The following PEX5L variants were observed in gnomAD, a reference collection of about 807,000 sequenced individuals.
PEX5L encodes peroxisomal biogenesis factor 5 like.
Under a neutral mutation model 84.0 loss-of-function variants are expected in PEX5L, and 30 were observed. The ratio of observed to expected loss-of-function variants is 0.36; its 90% CI spans 0.27 to 0.48. The LOEUF is 0.48. PEX5L is among the 20% of genes least tolerant of loss of function. PEX5L has a pLI of 0.99. For missense variants in PEX5L, 533 were observed against 754.6 expected, an observed-to-expected ratio of 0.71 and a Z score of 3.44; for synonymous variants, 270 against 283.1, an observed-to-expected ratio of 0.95 and a Z score of 0.46.
chr3:179,975,103 C>T (rs549243320), intron 1 of PEX5L, among the ~76,000 whole-genome samples: 2 of 152,114 alleles, frequency 1.3e-5, no homozygotes, highest in South Asian at 2.1e-4. Context: ...GTGGGAGGAT[C>T]GCTTGAGTGC....
At chr3:180,033,584 A>C (rs565142787) in intron 1 of PEX5L, among the ~76,000 whole-genome samples, 38 of 152,360 alleles carry the variant, frequency 2.5e-4, no homozygotes, top group African/African-American at 8.4e-4. Flanking sequence ...ATAGGCAAAT[A>C]ATCACCTCAG....
chr3:179,862,110 C>T (rs750146899), intron 7 of PEX5L, among the ~76,000 whole-genome samples: 2 of 152,196 alleles, frequency 1.3e-5, no homozygotes, highest in Non-Finnish European at 2.9e-5. Context: ...CCACGCCTCT[C>T]CTAGTTCCTA....
chr3:179,871,383 G>T (rs78735475), intron 7 of PEX5L, among the ~76,000 whole-genome samples: 2,473 of 152,170 alleles, frequency 0.016, 27 homozygotes, highest in Non-Finnish European at 0.025. Flanking sequence ...GATTACATGC[G>T]TGAGCCACCA....
intron 6 of PEX5L, among the ~76,000 whole-genome samples, chr3:179,874,983 G>A (rs888263276): frequency 1.3e-5 from 2 of 151,426 alleles, no homozygotes; most frequent in African/African-American, 4.8e-5. Flanking sequence ...GATAGTGGAT[G>A]ATGGAGCAAA....
intron 3 of PEX5L, among the ~76,000 whole-genome samples, chr3:179,893,485 G>A (rs1758244357): frequency 6.6e-6 from 1 of 152,116 alleles, no homozygotes; most frequent in African/African-American, 2.4e-5. Flanking sequence ...TTGAATCTTT[G>A]TGTTTGTCTT....
chr3:179,980,317 T>C (rs1579213130), intron 1 of PEX5L, among the ~76,000 whole-genome samples: 1 of 149,656 alleles, frequency 6.7e-6, no homozygotes, highest in East Asian at 2.0e-4. Context: ...GTTATTATTA[T>C]TATTATTTAG....
chr3:179,874,298 T>G, intron 7 of PEX5L, 29 bp downstream of exon 7: 1 of 1,204,460 alleles, frequency 8.3e-7, no homozygotes, highest in Non-Finnish European at 1.2e-6. Flanking sequence ...TAGGGAAAGA[T>G]GTGTTCATTG....
intron 8 of PEX5L, among the ~76,000 whole-genome samples, chr3:179,856,588 C>A (rs1249230360): frequency 3.3e-5 from 5 of 152,116 alleles, no homozygotes; most frequent in African/African-American, 9.7e-5. Flanking sequence ...TTAGATAATA[C>A]CCTGGGTAAG....
At chr3:179,957,858 A>G (rs1419386891) in intron 2 of PEX5L, among the ~76,000 whole-genome samples, 2 of 152,208 alleles carry the variant, frequency 1.3e-5, no homozygotes, top group African/African-American at 4.8e-5. Context: ...CCATCTGGTC[A>G]CCTGGTCCTG....
At chr3:179,986,104 C>T (rs1448518053) in intron 1 of PEX5L, among the ~76,000 whole-genome samples, 1 of 151,194 alleles carries the variant, frequency 6.6e-6, no homozygotes, top group African/African-American at 2.4e-5. Context: ...ATATTGATAC[C>T]TAATAAGATA....
At chr3:179,874,814 T>C (rs1445792672) in intron 6 of PEX5L, among the ~76,000 whole-genome samples, 1 of 143,366 alleles carries the variant, frequency 7.0e-6, no homozygotes, top group Admixed American at 7.2e-5. Flanking sequence ...TTTATCTTTA[T>C]ATAGAATTTG....
rs1718195711 is a variant in PEX5L, at chr3:179,799,389, A to T, written c.*2439T>A. 6.6e-6 allele frequency: 1 copy of T among 152,198 alleles called. No homozygotes were observed. Among genetic ancestry groups the T allele is most frequent in the Non-Finnish European group, 1.5e-5 (1 of 68,028 alleles). The allele number at this position is 152,198 out of a possible 1,614,324, so 9.4% of individuals were successfully genotyped here. On this transcript the variant is annotated 3_prime_UTR_variant, in exon 15 of 15. Coordinates refer to ENST00000467460, the MANE Select transcript of PEX5L (RefSeq NM_016559.3). The stretch of plus-strand genomic sequence containing the variant: ...GAAAGTACTACTAAATGCTCTGCAA[A>T]TTGCCAAATAATGGTAAGAATGGAA...
At chr3:180,020,693 T>TA (rs1331566270) in intron 1 of PEX5L, among the ~76,000 whole-genome samples, 4 of 151,986 alleles carry the variant, frequency 2.6e-5, no homozygotes, top group African/African-American at 9.6e-5. Flanking sequence ...ACACTTGCCT[T>TA]AAAAAAAATC....
In PEX5L at chr3:179,917,347, T is replaced by TA. The variant is rs1163578592; in HGVS notation, c.94-19102dup. ...TTTACAGCTAACTTTTTTTTTTTTT[T>TA]AAAATAAGCTGAAGGAGTATACTCT... On this transcript the variant is annotated intron_variant, in intron 2 of 14. Coordinates refer to ENST00000467460, the MANE Select transcript of PEX5L (RefSeq NM_016559.3). 3.7e-3 allele frequency among the ~76,000 whole-genome samples: 555 copies of TA among 151,466 alleles called. 2 individuals are homozygous for TA. The highest frequency in any genetic ancestry group is 0.011 in the African/African-American group (474 of 41,362).
At chr3:179,875,953 G>T (rs1752246359) in intron 5 of PEX5L, among the ~76,000 whole-genome samples, 1 of 152,144 alleles carries the variant, frequency 6.6e-6, no homozygotes, top group Non-Finnish European at 1.5e-5. Context: ...TTAAAAGGAG[G>T]TGGGAATAAA....
intron 1 of PEX5L, among the ~76,000 whole-genome samples, chr3:179,972,823 T>G (rs1194727160): frequency 1.3e-5 from 2 of 152,102 alleles, no homozygotes; most frequent in Non-Finnish European, 1.5e-5. Context: ...TGGGTTTTTT[T>G]TTTACTGTAA....
intron 1 of PEX5L, 114 bp from the exon 2 acceptor site, chr3:179,971,779 T>A (rs1784812827): frequency 9.9e-7 from 1 of 1,013,386 alleles, no homozygotes. Flanking sequence ...TCATAATGCA[T>A]CATTCTTTAT....
intron 1 of PEX5L, among the ~76,000 whole-genome samples, chr3:180,001,403 C>G (rs1788397464): frequency 6.8e-6 from 1 of 147,188 alleles, no homozygotes; most frequent in Non-Finnish European, 1.5e-5. Flanking sequence ...TTCTGTTTCT[C>G]TAGAGAACTC....
chr3:179,848,565 A>AG (rs1173221493), intron 8 of PEX5L, among the ~76,000 whole-genome samples: 2 of 151,790 alleles, frequency 1.3e-5, no homozygotes, highest in Admixed American at 6.6e-5. Context: ...AAAAAAAAAA[A>AG]AAAAGAAAAG....
Sources: allele counts gnomAD v4.1 joint callset (sites outside exome capture counted in the v4.1 genomes callset), GRCh38; gene constraint gnomAD v4.1.1; transcripts MANE v1.5; gene names NCBI Gene and HGNC (gene_info 2026-07-23, HGNC 2026-07-21).